The following CC2D2B variants were observed in gnomAD, a reference collection of about 807,000 sequenced individuals.
CC2D2B encodes the protein coiled-coil and C2 domain containing 2B.
Under a neutral mutation model 161.2 loss-of-function variants are expected in CC2D2B, and 128 were observed. The ratio of observed to expected loss-of-function variants is 0.79; its 90% CI spans 0.69 to 0.92. CC2D2B has a LOEUF of 0.92. Ranked by LOEUF, CC2D2B falls within the 40% of genes least tolerant of loss-of-function variation. CC2D2B has a pLI of 0.00. For synonymous variants in CC2D2B, 391 were observed against 449.8 expected (o/e 0.87, Z 1.65); for missense variants, 1,173 against 1,375.1 (o/e 0.85, Z 2.32).
At chr10:95,927,759 A>G (rs1345482827) in intron 6 of CC2D2B, among the ~76,000 whole-genome samples, 1 of 148,378 alleles carries the variant, frequency 6.7e-6, no homozygotes, top group East Asian at 2.0e-4. Context: ...GTTCTCCACA[A>G]TCTCCACTAC....
intron 15 of CC2D2B, among the ~76,000 whole-genome samples, chr10:95,969,364 C>T (rs1424560359): frequency 1.6e-4 from 25 of 151,884 alleles, no homozygotes; most frequent in Admixed American, 1.6e-3. Flanking sequence ...ACACAAAAGA[C>T]CCCCAGTCTC....
At chr10:96,025,504 G>A (rs1388220527) in intron 33 of CC2D2B, among the ~76,000 whole-genome samples, 1 of 152,070 alleles carries the variant, frequency 6.6e-6, no homozygotes, top group African/African-American at 2.4e-5. Flanking sequence ...GCCACCACTG[G>A]AAAGTTCTCA....
chr10:96,011,764 C>T (rs1415248478), intron 26 of CC2D2B, among the ~76,000 whole-genome samples: 2 of 151,922 alleles, frequency 1.3e-5, no homozygotes, highest in Non-Finnish European at 2.9e-5. Flanking sequence ...CACACACACA[C>T]ACACACACAC....
intron 2 of CC2D2B, among the ~76,000 whole-genome samples, chr10:95,917,186 A>G (rs2098517899): frequency 6.6e-6 from 1 of 152,118 alleles, no homozygotes; most frequent in Non-Finnish European, 1.5e-5. Context: ...ATCTGATATA[A>G]TTATAGCTAT....
In CC2D2B at chr10:95,950,014, A is replaced by G; in HGVS notation, c.920A>G (p.Gln307Arg). The change falls in exon 10 of 35, where the codon CAA becomes CGA. Residue 307 changes from glutamine (Q) to arginine (R), a missense_variant. Physicochemically the swap from Gln to Arg is conservative, Grantham distance 43. Transcript: ENST00000646931. ...TTCAGCCATCATCATCTCTTCAATC[A>G]AGAGCAAGTATTATGCGCAAGGCTT... ...LQFSHHHLFN[Q>R]EQVLCARLLQ... 5.0e-6 allele frequency: 2 copies of G among 398,806 alleles called. No individual in the cohort carries two copies. The highest frequency in any genetic ancestry group is 1.3e-4 in the South Asian group (1 of 7,860). 24.7% of individuals were successfully genotyped at this position (398,806 alleles called of 1,614,324 possible).
chr10:95,992,679 G>A lies in CC2D2B; in HGVS notation c.2624G>A (p.Arg875Lys). Residue 875 changes from arginine to lysine, a missense_variant, in exon 22 of 35, where the codon AGA becomes AAA. By Grantham distance (26) the Arg-to-Lys change is conservative (BLOSUM62 2). This residue lies in a region of CC2D2B where 598 missense variants were observed against 693.2 expected (regional missense o/e 0.86). Coordinates refer to ENST00000646931, the MANE Select transcript of CC2D2B (RefSeq NM_001349008.3). ...RIVRAYNIPT[R>K]KTTINGSLDM... ...GTGAGGGCCTATAATATTCCTACCA[G>A]AAAAACAACAATTAATGGGTAAGGC... The A allele has an allele frequency of 1.6e-6, 2 of 1,234,132 alleles. No homozygotes were observed. Among genetic ancestry groups the A allele is most frequent in the Non-Finnish European group, 2.0e-6 (2 of 988,028 alleles). The allele number at this position is 1,234,132 out of a possible 1,614,324, so 76.4% of individuals were successfully genotyped here. A position where few individuals can be genotyped will look rare whatever the true frequency, so the allele number is the denominator to read the frequency against.
At chr10:95,921,015 C>G (rs1427575859) in intron 2 of CC2D2B, 3 of 152,630 alleles carry the variant, frequency 2.0e-5, no homozygotes, top group African/African-American at 4.8e-5. Context: ...CTTGGCTGCC[C>G]CAGCTGGTGT....
intron 34 of CC2D2B, among the ~76,000 whole-genome samples, chr10:96,029,012 T>G (rs540013090): frequency 3.3e-5 from 5 of 151,876 alleles, no homozygotes; most frequent in African/African-American, 1.2e-4. Context: ...GGGGAATGGG[T>G]AATGGATACA....
At chr10:95,923,741 G>A (rs142979615) in intron 3 of CC2D2B, among the ~76,000 whole-genome samples, 312 of 152,258 alleles carry the variant, frequency 2.0e-3, no homozygotes, top group African/African-American at 7.3e-3. Context: ...AGGGCTGGGC[G>A]CGGTGGCTCA....
At chr10:95,938,515 A>G in intron 7 of CC2D2B, 54 bp from the exon 8 acceptor site, 1 of 642,686 alleles carries the variant, frequency 1.6e-6, no homozygotes, top group Non-Finnish European at 2.8e-6. Flanking sequence ...TTTGGTCAAT[A>G]TCCATTTAAT....
intron 33 of CC2D2B, among the ~76,000 whole-genome samples, chr10:96,026,581 A>G (rs1315000344): frequency 6.6e-6 from 1 of 152,146 alleles, no homozygotes; most frequent in African/African-American, 2.4e-5. Flanking sequence ...TAGGAATGTC[A>G]ACCCAGTAAT....
intron 29 of CC2D2B, 67 bp from the exon 30 acceptor site, chr10:96,016,134 A>T: frequency 1.0e-6 from 1 of 977,124 alleles, no homozygotes; most frequent in East Asian, 2.5e-5. Context: ...CATCAGTTGG[A>T]TGCTTGCGTT....
chr10:95,970,872 C>G (rs2077101896), intron 15 of CC2D2B, among the ~76,000 whole-genome samples: 1 of 152,192 alleles, frequency 6.6e-6, no homozygotes, highest in African/African-American at 2.4e-5. Flanking sequence ...CTTAAATTCT[C>G]TCTTACAAGG....
chr10:96,010,418 T>C (rs1185475507), intron 26 of CC2D2B, among the ~76,000 whole-genome samples: 1 of 152,156 alleles, frequency 6.6e-6, no homozygotes, highest in African/African-American at 2.4e-5. Flanking sequence ...ACTTCTTCAC[T>C]AAGTGATGAT....
chr10:95,993,940 G>A lies in CC2D2B; in HGVS notation c.2642+1243G>A, dbSNP rs28599815. 5.7e-3 allele frequency among the ~76,000 whole-genome samples: 150 copies of A among 26,124 alleles called. 2 individuals carry two copies. Among genetic ancestry groups the A allele is most frequent in the Non-Finnish European group, 6.6e-3 (99 of 14,900 alleles). The allele number at this position is 26,124 out of a possible 152,430, so 17.1% of individuals were successfully genotyped here. On this transcript the variant is annotated intron_variant, in intron 22 of 34. Transcript: ENST00000646931. The stretch of plus-strand genomic sequence containing the variant: ...TGTGTGTGTGTGTGTGTGTGTGTGT[G>A]TGTATGTATGTGTATATATATATAT...
chr10:95,997,084 T>C (rs1020643319), intron 24 of CC2D2B, among the ~76,000 whole-genome samples: 1 of 152,218 alleles, frequency 6.6e-6, no homozygotes, highest in Non-Finnish European at 1.5e-5. Context: ...GCCTCCATAA[T>C]TGTAGGAAAT....
At chr10:95,916,295 G>A (rs1346101269) in intron 2 of CC2D2B, among the ~76,000 whole-genome samples, 1 of 151,032 alleles carries the variant, frequency 6.6e-6, no homozygotes, top group Non-Finnish European at 1.5e-5. Context: ...CTCTCTCTTT[G>A]TCTTAGTGAG....
intron 16 of CC2D2B, among the ~76,000 whole-genome samples, chr10:95,972,813 C>T (rs930581850): frequency 6.6e-6 from 1 of 152,090 alleles, no homozygotes; most frequent in Admixed American, 6.6e-5. Context: ...GCTGCTCTGC[C>T]TCGACCTCTC....
At chr10:95,974,215 CAT>C (rs761751034) in intron 17 of CC2D2B, 59 bp downstream of exon 17, 2 of 948,604 alleles carry the variant, frequency 2.1e-6, no homozygotes, top group Non-Finnish European at 2.7e-6. Flanking sequence ...TCACACAAAA[CAT>C]ATTATGTGTA....
Sources: allele counts gnomAD v4.1 joint callset (sites outside exome capture counted in the v4.1 genomes callset), GRCh38; gene constraint gnomAD v4.1.1; regional missense constraint gnomAD v4.1.1; transcripts MANE v1.5; gene names NCBI Gene and HGNC (gene_info 2026-07-23, HGNC 2026-07-21).